SUCLG1: variants seen among roughly 807,000 people sequenced by gnomAD.
SUCLG1 encodes the protein succinate--CoA ligase [ADP/GDP-forming] subunit alpha, mitochondrial.
In SUCLG1, 26 loss-of-function variants were observed where a neutral mutation model predicts 37.3. The observed-to-expected ratio is 0.70, with a 90% CI of 0.51 to 0.97. The LOEUF is 0.97. SUCLG1 is among the 50% of genes least tolerant of loss of function. The pLI, the probability that SUCLG1 is intolerant of heterozygous loss-of-function variation, is 0.00. For missense variants in SUCLG1, 433 were observed against 432.9 expected, an observed-to-expected ratio of 1.00 and a Z score of 0.00; for synonymous variants, 163 against 155.6, an observed-to-expected ratio of 1.05 and a Z score of -0.36.
At chr2:84,431,407 GT>G in intron 7 of SUCLG1, 100 bp downstream of exon 7, 1 of 1,502,682 alleles carries the variant, frequency 6.7e-7, no homozygotes, top group Non-Finnish European at 9.2e-7. Context: ...TATCTTTCAT[GT>G]TTTCTCAAAA....
intron 1 of SUCLG1, among the ~76,000 whole-genome samples, chr2:84,455,239 T>C (rs1342084173): frequency 1.3e-5 from 2 of 152,160 alleles, no homozygotes; most frequent in Non-Finnish European, 2.9e-5. Flanking sequence ...GTACTATTAA[T>C]TACTGGTAAA....
chr2:84,425,174 C>T (rs1450098128), intron 8 of SUCLG1, among the ~76,000 whole-genome samples: 2 of 152,122 alleles, frequency 1.3e-5, no homozygotes, highest in African/African-American at 4.8e-5. Context: ...TTGTATCTTG[C>T]CACTTACAAA....
chr2:84,456,847 A>T lies in SUCLG1; in HGVS notation c.97+2326T>A, dbSNP rs745982257. On this transcript the variant is annotated intron_variant, in intron 1 of 8. Transcript: ENST00000393868. ...CCTGGCTAATTTTTGTATTTTTAGT[A>T]GAGACGGGGTTTCACCATCTTGGCC... 2.5e-3 allele frequency among the ~76,000 whole-genome samples: 381 copies of T among 152,218 alleles called. 3 individuals are homozygous for T. The highest frequency in any genetic ancestry group is 4.4e-3 in the Non-Finnish European group (300 of 68,018).
intron 2 of SUCLG1, chr2:84,448,811 A>G (rs1187316601): frequency 5.2e-6 from 1 of 191,470 alleles, no homozygotes; most frequent in Non-Finnish European, 1.2e-5. Context: ...TATATATATT[A>G]TATGCTGGAT....
intron 2 of SUCLG1, among the ~76,000 whole-genome samples, chr2:84,446,615 T>G (rs1239458777): frequency 6.6e-6 from 1 of 152,052 alleles, no homozygotes; most frequent in South Asian, 2.1e-4. Flanking sequence ...CTCTCTCTCT[T>G]AAAGCAGTGC....
At chr2:84,447,152 G>A (rs1672862332) in intron 2 of SUCLG1, among the ~76,000 whole-genome samples, 1 of 152,220 alleles carries the variant, frequency 6.6e-6, no homozygotes, top group Admixed American at 6.5e-5. Context: ...TAATTCATAT[G>A]TGGAACAATG....
At chr2:84,433,331 A>T (rs775430312) in intron 6 of SUCLG1, 21 bp downstream of exon 6, 17 of 1,610,240 alleles carry the variant, frequency 1.1e-5, no homozygotes, top group Non-Finnish European at 1.4e-5. Flanking sequence ...CAATAAAATG[A>T]TTTTAGCAAA....
intron 6 of SUCLG1, among the ~76,000 whole-genome samples, chr2:84,431,936 C>G (rs576543602): frequency 6.6e-6 from 1 of 152,144 alleles, no homozygotes; most frequent in Admixed American, 6.5e-5. Flanking sequence ...GTTTTAGCTC[C>G]TTTATCAAGC....
intron 5 of SUCLG1, among the ~76,000 whole-genome samples, chr2:84,440,123 C>T (rs1672745357): frequency 6.6e-6 from 1 of 152,112 alleles, no homozygotes; most frequent in Non-Finnish European, 1.5e-5. Context: ...GCCTGTAATC[C>T]CAGCACTTTG....
At position 84,441,300 on chromosome 2, in the gene SUCLG1, G is replaced by A. The variant is rs899069810; in HGVS notation, c.478C>T (p.Leu160=). The A allele has an allele frequency of 3.7e-6, 6 of 1,613,946 alleles. No individual in the cohort carries two copies. The African/African-American group carries it at 8.0e-5, about 22-fold the overall frequency. The change falls in exon 4 of 9, where the codon CTG becomes TTG. Residue 160 remains leucine, a synonymous_variant. Transcript: ENST00000393868. ...ATTAGCCTTGTCTTTTCCTGGCGCA[G>A]CAGTTTGTGCTTGACTCGTACCATG... ...QDMVRVKHKL[L]RQEKTRLIGP...
intron 5 of SUCLG1, among the ~76,000 whole-genome samples, chr2:84,437,478 A>C (rs1672705663): frequency 6.6e-6 from 1 of 152,254 alleles, no homozygotes; most frequent in Non-Finnish European, 1.5e-5. Flanking sequence ...ACAAATTAAA[A>C]CTACAGTGAG....
At chr2:84,426,522 C>G (rs1279332556) in intron 7 of SUCLG1, 1 of 152,020 alleles carries the variant, frequency 6.6e-6, no homozygotes, top group African/African-American at 2.4e-5. Context: ...CAAAAATTAG[C>G]TGGGCATGGT....
chr2:84,441,414 G>T lies in SUCLG1; in HGVS notation c.364C>A (p.Pro122Thr). Residue 122 changes from proline to threonine, a missense_variant, in exon 4 of 9, where the codon CCG becomes ACG. Coordinates refer to ENST00000393868, the MANE Select transcript of SUCLG1 (RefSeq NM_003849.4). ...TTAATGGCAGCAGCAGCAAAAGGCG[G>T]AGGAACATAAATGACAGAAGCCGTT... ...GATASVIYVP[P>T]PFAAAAINEA... The T allele has an allele frequency of 1.2e-6, 2 of 1,614,138 alleles. No homozygotes were observed. Among genetic ancestry groups the T allele is most frequent in the Non-Finnish European group, 1.7e-6 (2 of 1,180,032 alleles).
chr2:84,423,864 A>G (rs1672492858), intron 8 of SUCLG1, 92 bp from the exon 9 acceptor site: 7 of 1,356,264 alleles, frequency 5.2e-6, no homozygotes, highest in Admixed American at 1.9e-5. Context: ...TTTGAAACCT[A>G]TTATCTTTAG....
chr2:84,442,986 A>C (rs1672797294), intron 3 of SUCLG1, among the ~76,000 whole-genome samples: 1 of 152,240 alleles, frequency 6.6e-6, no homozygotes, highest in African/African-American at 2.4e-5. Flanking sequence ...CCACTCAGGA[A>C]GAATTAAGGG....
At chr2:84,439,324 T>A (rs1420804378) in intron 5 of SUCLG1, among the ~76,000 whole-genome samples, 30 of 152,198 alleles carry the variant, frequency 2.0e-4, no homozygotes, top group Admixed American at 2.0e-3. Flanking sequence ...TTTCATTTTT[T>A]AGGTTTATGC....
At chr2:84,456,130 ATC>A (rs775670141) in intron 1 of SUCLG1, among the ~76,000 whole-genome samples, 1 of 152,198 alleles carries the variant, frequency 6.6e-6, no homozygotes. Flanking sequence ...CTTTAAATGC[ATC>A]TCTGATTCGA....
At chr2:84,435,787 T>A (rs796783995) in intron 5 of SUCLG1, among the ~76,000 whole-genome samples, 1 of 151,996 alleles carries the variant, frequency 6.6e-6, no homozygotes, top group South Asian at 2.1e-4. Context: ...ATAAAGAGGG[T>A]CCCCCAGCAT....
intron 1 of SUCLG1, among the ~76,000 whole-genome samples, chr2:84,456,018 C>T (rs1673013686): frequency 6.6e-6 from 1 of 152,016 alleles, no homozygotes; most frequent in Non-Finnish European, 1.5e-5. Flanking sequence ...TGAATCAAGG[C>T]TATTTTGTAT....
Sources: gnomAD v4.1 joint callset for allele counts (sites outside exome capture counted in the v4.1 genomes callset) on GRCh38, gnomAD v4.1.1 for gene constraint, MANE v1.5 for transcripts, NCBI Gene and HGNC (gene_info 2026-07-23, HGNC 2026-07-21) for gene names.